CCDC141: variants seen among roughly 807,000 people sequenced by gnomAD.
CCDC141 encodes the protein coiled-coil domain containing 141.
In CCDC141, 168 loss-of-function variants were observed where a neutral mutation model predicts 181.0. The ratio of observed to expected loss-of-function variants is 0.93; its 90% CI spans 0.82 to 1.05. CCDC141 has a LOEUF of 1.05. Among genes scored for constraint, CCDC141 ranks in the 50% least tolerant of loss-of-function variants. The pLI is 0.00. For missense variants in CCDC141, 1,902 were observed against 1,788.5 expected, an observed-to-expected ratio of 1.06 and a Z score of -1.14; for synonymous variants, 666 against 642.3, an observed-to-expected ratio of 1.04 and a Z score of -0.56.
intron 5 of CCDC141, among the ~76,000 whole-genome samples, chr2:178,954,521 G>A (rs1690079631): frequency 6.6e-6 from 1 of 152,110 alleles, no homozygotes; most frequent in Admixed American, 6.6e-5. Flanking sequence ...CATCATGCTG[G>A]TCACCTAATT....
intron 5 of CCDC141, among the ~76,000 whole-genome samples, chr2:178,951,381 G>A (rs140564374): frequency 6.6e-6 from 1 of 152,312 alleles, no homozygotes; most frequent in African/African-American, 2.4e-5. Flanking sequence ...CAGTTCCTAG[G>A]TCAGGCAGCT....
intron 2 of CCDC141, among the ~76,000 whole-genome samples, chr2:179,015,822 TATATGTATCATATATATCTCATA>T (rs1408333194): frequency 5.7e-5 from 8 of 139,682 alleles, no homozygotes; most frequent in African/African-American, 1.8e-4. Flanking sequence ...ATATATCTCA[TATATGTATCATATATATCTCATA>T]TATCTCATAT....
intron 22 of CCDC141, among the ~76,000 whole-genome samples, chr2:178,840,281 T>C (rs1006546812): frequency 1.3e-5 from 2 of 152,208 alleles, no homozygotes; most frequent in Non-Finnish European, 2.9e-5. Context: ...AGATCCTTCA[T>C]AGAAGAGCAG....
intron 2 of CCDC141, among the ~76,000 whole-genome samples, chr2:178,993,863 A>G (rs1692166273): frequency 6.6e-6 from 1 of 152,216 alleles, no homozygotes; most frequent in Admixed American, 6.5e-5. Context: ...AGGCCCCATG[A>G]AAGTCCGAAA....
intron 2 of CCDC141, among the ~76,000 whole-genome samples, chr2:179,009,622 T>C (rs1016481967): frequency 2.1e-5 from 3 of 141,426 alleles, no homozygotes; most frequent in South Asian, 2.3e-4. Context: ...AAACCATCTA[T>C]AGGTCTCTCA....
chr2:178,979,865 T>A (rs546596681), intron 2 of CCDC141, among the ~76,000 whole-genome samples: 2 of 152,278 alleles, frequency 1.3e-5, no homozygotes, highest in East Asian at 3.9e-4. Context: ...ATGGACTGCT[T>A]TTAAAAGTAA....
chr2:178,962,762 T>A (rs1456826245), intron 4 of CCDC141, among the ~76,000 whole-genome samples: 1 of 152,106 alleles, frequency 6.6e-6, no homozygotes, highest in Non-Finnish European at 1.5e-5. Context: ...TGTAGATTAC[T>A]ATGTCTGACA....
the CCDC141 span, among the ~76,000 whole-genome samples, chr2:178,817,305 T>C: frequency 1.3e-5 from 2 of 152,214 alleles, no homozygotes; most frequent in African/African-American, 2.4e-5. Flanking sequence ...AAAGGGTGCA[T>C]ATTGTCTTGT....
At chr2:178,916,936 CTTCT>C (rs1688478180) in intron 7 of CCDC141, among the ~76,000 whole-genome samples, 1 of 151,046 alleles carries the variant, frequency 6.6e-6, no homozygotes, top group Non-Finnish European at 1.5e-5. Context: ...TCTTCTTCTT[CTTCT>C]TTTTTTTTTT....
intron 17 of CCDC141, among the ~76,000 whole-genome samples, chr2:178,863,665 A>G (rs965678430): frequency 6.6e-6 from 1 of 152,178 alleles, no homozygotes; most frequent in Admixed American, 6.5e-5. Flanking sequence ...CTGTGGTGGG[A>G]AAGTCCAGGG....
At chr2:178,827,132 C>T (rs1273556146), downstream of CCDC141, among the ~76,000 whole-genome samples, 3 of 152,024 alleles carry the variant, frequency 2.0e-5, no homozygotes, top group Admixed American at 1.3e-4. Context: ...TAGAAGTGTG[C>T]TGTTTAATCT....
At chr2:178,869,072 T>A in intron 15 of CCDC141, 45 bp downstream of exon 15, 2 of 1,320,594 alleles carry the variant, frequency 1.5e-6, no homozygotes, top group Non-Finnish European at 2.0e-6. Flanking sequence ...TTTAATTGCA[T>A]AGTTTAAAAC....
intron 11 of CCDC141, among the ~76,000 whole-genome samples, chr2:178,881,907 T>TCA (rs1686629713): frequency 9.4e-6 from 1 of 106,008 alleles, no homozygotes; most frequent in African/African-American, 3.7e-5. Context: ...TCTCTCTCTC[T>TCA]CTCTCTCTCA....
chr2:178,948,052 T>C (rs1689803652), intron 5 of CCDC141, among the ~76,000 whole-genome samples: 1 of 151,834 alleles, frequency 6.6e-6, no homozygotes. Flanking sequence ...TACAAAAAAT[T>C]AGCGGGGTGT....
rs1684524754 is a variant in CCDC141 at position 178,837,346 on chromosome 2, G to A, written c.3873C>T (p.Tyr1291=). 1 of 1,613,990 alleles carries A rather than the reference G, an allele frequency of 6.2e-7. No individual in the cohort carries two copies. Among genetic ancestry groups the A allele is most frequent in the Non-Finnish European group, 8.5e-7 (1 of 1,179,996 alleles). ...ETFSSHFERP[Y]LQFKAEPPLT... ...GTGGGGGCTCAGCTTTGAACTGGAG[G>A]TAAGGCCTCTCAAAATGACTTGAAA... Residue 1291 remains tyrosine (Y), a synonymous_variant, in exon 23 of 24, where the codon TAC becomes TAT. Transcript: ENST00000443758.
At chr2:178,942,928 G>A (rs1689581034) in intron 6 of CCDC141, among the ~76,000 whole-genome samples, 1 of 152,096 alleles carries the variant, frequency 6.6e-6, no homozygotes, top group Admixed American at 6.6e-5. Context: ...GACATCAGAG[G>A]TTGAAATATG....
In CCDC141 at chr2:178,884,884, A is replaced by G. The variant is rs1686805702; in HGVS notation, c.1719+17T>C. 2 of 1,544,718 alleles carry G rather than the reference A, an allele frequency of 1.3e-6. No individual in the cohort carries two copies. The highest frequency in any genetic ancestry group is 1.4e-5 in the African/African-American group (1 of 72,942). On this transcript the variant is annotated intron_variant, in intron 11 of 23. Transcript: ENST00000443758. ...AGTGGCCACCTTGCTGAAGAAGGTTAACACATAGTACCATACCTCCTCTGA... is the reference window on the plus strand; with the variant it reads ...AGTGGCCACCTTGCTGAAGAAGGTTGACACATAGTACCATACCTCCTCTGA...
intron 2 of CCDC141, among the ~76,000 whole-genome samples, chr2:179,022,205 G>GA (rs1293621694): frequency 2.0e-5 from 3 of 152,046 alleles, no homozygotes; most frequent in African/African-American, 7.2e-5. Context: ...AGAGTTCTGT[G>GA]GCCTTTCAAG....
chr2:178,826,556 G>GTGTTTTCTT, downstream of CCDC141, among the ~76,000 whole-genome samples: 1 of 152,100 alleles, frequency 6.6e-6, no homozygotes, highest in South Asian at 2.1e-4. Flanking sequence ...TCTGGGCCTT[G>GTGTTTTCTT]TGTTTTCTTT....
Sources: gnomAD v4.1 joint callset for allele counts (sites outside exome capture counted in the v4.1 genomes callset) on GRCh38, gnomAD v4.1.1 for gene constraint, MANE v1.5 for transcripts, NCBI Gene and HGNC (gene_info 2026-07-23, HGNC 2026-07-21) for gene names.